Variants in SOX4 observed in about 807,000 individuals in gnomAD.
SOX4 encodes transcription factor SOX-4.
For synonymous variants in SOX4, 465 were observed against 348.4 expected, an observed-to-expected ratio of 1.33 and a Z score of -3.73; for missense variants, 662 against 694.9, an observed-to-expected ratio of 0.95 and a Z score of 0.53.
rs1358016510 is a variant in SOX4 at position 21,597,010 on chromosome 6, TC to T, written c.*1052del. ...AAAAAAGAAAAAAAAAAGATTTTTT[TC>T]TTCTCTTAATCGGAATCGTGATGGT... On this transcript the variant is annotated 3_prime_UTR_variant, in exon 1 of 1. Coordinates refer to ENST00000244745, the MANE Select transcript of SOX4 (RefSeq NM_003107.3). 1.2e-5 allele frequency: 2 copies of T among 166,884 alleles called. No homozygotes were observed. The highest frequency in any genetic ancestry group is 1.5e-5 in the Non-Finnish European group (1 of 68,094). The allele number at this position is 166,884 out of a possible 1,614,324, so 10.3% of individuals were successfully genotyped here. A position where few individuals can be genotyped will look rare whatever the true frequency, so the allele number is the denominator to read the frequency against.
In SOX4 at chr6:21,596,988, AAAG is replaced by A. The variant is rs1313684713; in HGVS notation, c.*1032_*1034del. ...AAAAAAAAAAGAAAAAAAGAAAAAA[AAAG>A]AAAAAAAAAAGATTTTTTTCTTCTC... On this transcript the variant is annotated 3_prime_UTR_variant, in exon 1 of 1. Transcript: ENST00000244745. The A allele has an allele frequency of 9.0e-5, 15 of 166,372 alleles. No homozygotes were observed. Among genetic ancestry groups the A allele is most frequent in the African/African-American group, 3.6e-4 (15 of 41,272 alleles). 10.3% of individuals were successfully genotyped at this position (166,372 alleles called of 1,614,324 possible).
rs1216785533 is a variant in SOX4 at position 21,598,509 on chromosome 6, T to C, written c.*2550T>C. ...TGTTTGGGGGAAAAAAAAGAAAAAA[T>C]CATGCCAGCTAATCATGTCAAGTTC... On this transcript the variant is annotated 3_prime_UTR_variant, in exon 1 of 1. Transcript: ENST00000244745. 6.0e-6 allele frequency: 1 copy of C among 166,964 alleles called. No individual in the cohort carries two copies. The highest frequency in any genetic ancestry group is 1.5e-5 in the Non-Finnish European group (1 of 68,104). The allele number at this position is 166,964 out of a possible 1,614,324, so 10.3% of individuals were successfully genotyped here.
In SOX4 at chr6:21,594,334, G is replaced by GGAACTAT. The variant is rs1224934357; in HGVS notation, c.-201_-200insGAACTAT. 3 of 518,716 alleles carry GGAACTAT rather than the reference G, an allele frequency of 5.8e-6. No individual in the cohort carries two copies. The African/African-American group carries it at 6.0e-5, about 10-fold the overall frequency. 32.1% of individuals were successfully genotyped at this position (518,716 alleles called of 1,614,324 possible). ...CTATAACTCCTCTGCGAGAGGCGGA[G>GGAACTAT]AACTCCTTCCCCAAATCTTTTGGGG... is the stretch of plus-strand genomic sequence containing the variant. On this transcript the variant is annotated 5_prime_UTR_variant, in exon 1 of 1. Transcript: ENST00000244745.
rs1433674912 is a variant in SOX4, at chr6:21,594,615, G to C, written c.81G>C (p.Glu27Asp). 6.2e-7 allele frequency: 1 copy of C among 1,608,126 alleles called. No homozygotes were observed. The highest frequency in any genetic ancestry group is 8.5e-7 in the Non-Finnish European group (1 of 1,178,248). Reference sequence around the variant, plus strand: ...GCTCGGACTCGGGCGCCGGCCTCGAGCTGGGAATCGCCTCCTCCCCCACGC... The same window carrying C: ...GCTCGGACTCGGGCGCCGGCCTCGACCTGGGAATCGCCTCCTCCCCCACGC... ...GESSDSGAGLELGIASSPTPG... is the reference protein window; with the variant it reads ...GESSDSGAGLDLGIASSPTPG... Residue 27 changes from glutamate to aspartate, a missense_variant, in exon 1 of 1, where the codon GAG (glutamate) becomes GAC (aspartate). By Grantham distance (45) the Glu-to-Asp change is conservative (BLOSUM62 2). Transcript: ENST00000244745.
rs1332648988 is a variant in SOX4 at position 21,596,987 on chromosome 6, A to G, written c.*1028A>G. ...AAAAAAAAAAAGAAAAAAAGAAAAAAAAAGAAAAAAAAAAGATTTTTTTCT... is the reference window on the plus strand; with the variant it reads ...AAAAAAAAAAAGAAAAAAAGAAAAAGAAAGAAAAAAAAAAGATTTTTTTCT... On this transcript the variant is annotated 3_prime_UTR_variant, in exon 1 of 1. Coordinates refer to ENST00000244745, the MANE Select transcript of SOX4 (RefSeq NM_003107.3). The G allele has an allele frequency of 6.0e-6, 1 of 166,292 alleles. No homozygotes were observed. Among genetic ancestry groups the G allele is most frequent in the Non-Finnish European group, 1.5e-5 (1 of 68,100 alleles). The allele number at this position is 166,292 out of a possible 1,614,324, so 10.3% of individuals were successfully genotyped here.
rs760814494 is a variant in SOX4 at position 21,596,746 on chromosome 6, G to T, written c.*787G>T. ...TTGGAAGCGCAGCAGCGGGAGCTAGGGGCGGGGGCGGAGGAGGACACGAAC... is the reference window on the plus strand; with the variant it reads ...TTGGAAGCGCAGCAGCGGGAGCTAGTGGCGGGGGCGGAGGAGGACACGAAC... On this transcript the variant is annotated 3_prime_UTR_variant, in exon 1 of 1. Coordinates refer to ENST00000244745, the MANE Select transcript of SOX4 (RefSeq NM_003107.3). The T allele has an allele frequency of 7.0e-4, 117 of 167,282 alleles. 1 individual carries two copies. Among genetic ancestry groups the T allele is most frequent in the Non-Finnish European group, 1.2e-3 (85 of 68,246 alleles). The allele number at this position is 167,282 out of a possible 1,614,324, so 10.4% of individuals were successfully genotyped here.
rs940088775 is a variant in SOX4, at chr6:21,597,669, G to T, written c.*1710G>T. 6.0e-6 allele frequency: 1 copy of T among 166,494 alleles called. No individual in the cohort carries two copies. Among genetic ancestry groups the T allele is most frequent in the Non-Finnish European group, 1.5e-5 (1 of 68,044 alleles). 10.3% of individuals were successfully genotyped at this position (166,494 alleles called of 1,614,324 possible). On this transcript the variant is annotated 3_prime_UTR_variant, in exon 1 of 1. Transcript: ENST00000244745. ...AAAAACAAAAAAAGACAAGAGAGAT[G>T]AAAACGTTTGATTATTTTCTCAGTG...
rs1209959610 is a variant in SOX4, at chr6:21,596,417, C to T, written c.*458C>T. On this transcript the variant is annotated 3_prime_UTR_variant, in exon 1 of 1. Coordinates refer to ENST00000244745, the MANE Select transcript of SOX4 (RefSeq NM_003107.3). ...TGAAGGAGTCTCCCCCTTCCTGCAT[C>T]ACCACCTTGGTTTTGTTTTATTTTG... The T allele has an allele frequency of 6.0e-6, 1 of 167,854 alleles. No individual in the cohort carries two copies. The highest frequency in any genetic ancestry group is 2.4e-5 in the African/African-American group (1 of 41,456). 10.4% of individuals were successfully genotyped at this position (167,854 alleles called of 1,614,324 possible). A position where few individuals can be genotyped will look rare whatever the true frequency, so the allele number is the denominator to read the frequency against.
rs1158492239 is a variant in SOX4 at position 21,597,741 on chromosome 6, G to A, written c.*1782G>A. The A allele has an allele frequency of 6.0e-6, 1 of 166,598 alleles. No individual in the cohort carries two copies. Among genetic ancestry groups the A allele is most frequent in the Admixed American group, 6.6e-5 (1 of 15,248 alleles). 10.3% of individuals were successfully genotyped at this position (166,598 alleles called of 1,614,324 possible). A position where few individuals can be genotyped will look rare whatever the true frequency, so the allele number is the denominator to read the frequency against. ...AAGGGGGTGTTAATCGGTGTAAATC[G>A]CTGTTTGGATTTCCTGATTTTATAA... On this transcript the variant is annotated 3_prime_UTR_variant, in exon 1 of 1. Transcript: ENST00000244745.
chr6:21,595,449 G>C lies in SOX4; in HGVS notation c.915G>C (p.Ser305=). The change falls in exon 1 of 1, where the codon TCG becomes TCC. Residue 305 remains serine (S), a synonymous_variant. Transcript: ENST00000244745. ...RVYLFGGLGT[S]SSPVGGVGAG... is the part of the protein sequence containing the mutation. ...ACCTGTTCGGCGGCCTGGGCACGTC[G>C]TCGTCGCCCGTGGGCGGCGTGGGCG... The C allele has an allele frequency of 6.7e-7, 1 of 1,497,572 alleles. No individual in the cohort carries two copies. Among genetic ancestry groups the C allele is most frequent in the Non-Finnish European group, 8.9e-7 (1 of 1,129,474 alleles). 92.8% of individuals were successfully genotyped at this position (1,497,572 alleles called of 1,614,324 possible).
rs1240540773 is a variant in SOX4 at position 21,595,294 on chromosome 6, G to A, written c.760G>A (p.Ala254Thr). 2.8e-6 allele frequency: 4 copies of A among 1,424,032 alleles called. No homozygotes were observed. The highest frequency in any genetic ancestry group is 2.8e-5 in the South Asian group (2 of 72,584). 88.2% of individuals were successfully genotyped at this position (1,424,032 alleles called of 1,614,324 possible). ...CGCCCTGCTGCCCCTGGGCGCCGCC[G>A]CCGACCACCACTCGCTGTACAAGGC... Reference protein sequence around the residue: ...AAALLPLGAAADHHSLYKART... With the variant: ...AAALLPLGAATDHHSLYKART... Residue 254 changes from alanine to threonine, a missense_variant, in exon 1 of 1, where the codon GCC (alanine) becomes ACC (threonine). Coordinates refer to ENST00000244745, the MANE Select transcript of SOX4 (RefSeq NM_003107.3).
rs1262744814 is a variant in SOX4, at chr6:21,595,717, T to A, written c.1183T>A (p.Ser395Thr). 15 of 1,609,144 alleles carry A rather than the reference T, an allele frequency of 9.3e-6. No individual in the cohort carries two copies. Among genetic ancestry groups the A allele is most frequent in the Admixed American group, 1.7e-5 (1 of 59,574 alleles). The change falls in exon 1 of 1, where the codon TCG becomes ACG. Residue 395 changes from serine (S) to threonine (T), a missense_variant. Coordinates refer to ENST00000244745, the MANE Select transcript of SOX4 (RefSeq NM_003107.3). The part of the protein sequence containing the change: ...HSSSSSSSGS[S>T]SSDDEFEDDL... ...CTCCTCTTCCTCCTCCTCGGGCTCC[T>A]CGTCCTCCGACGACGAGTTCGAAGA...
At position 21,595,968 on chromosome 6, in the gene SOX4, C is replaced by A; in HGVS notation, c.*9C>A. On this transcript the variant is annotated 3_prime_UTR_variant, in exon 1 of 1. Transcript: ENST00000244745. ...TGGTTTTCACCTACTGAAGGGCGCG[C>A]AGGCAGGGAGAAGGGCCGGGGGGGG... 1 of 1,497,232 alleles carries A rather than the reference C, an allele frequency of 6.7e-7. No homozygotes were observed. The highest frequency in any genetic ancestry group is 9.0e-7 in the Non-Finnish European group (1 of 1,117,020). The allele number at this position is 1,497,232 out of a possible 1,614,324, so 92.7% of individuals were successfully genotyped here.
rs1349281025 is a variant in SOX4 at position 21,596,831 on chromosome 6, G to GGCT, written c.*877_*879dup. ...TGCACGTTGGGGAGCTGGCGGCGGC[G>GGCT]GCTGCTGGGCCTCCGCCTTCTTTTC... On this transcript the variant is annotated 3_prime_UTR_variant, in exon 1 of 1. Coordinates refer to ENST00000244745, the MANE Select transcript of SOX4 (RefSeq NM_003107.3). 5 of 167,004 alleles carry GGCT rather than the reference G, an allele frequency of 3.0e-5. No homozygotes were observed. Among genetic ancestry groups the GGCT allele is most frequent in the African/African-American group, 1.2e-4 (5 of 41,348 alleles). The allele number at this position is 167,004 out of a possible 1,614,324, so 10.3% of individuals were successfully genotyped here. A position where few individuals can be genotyped will look rare whatever the true frequency, so the allele number is the denominator to read the frequency against.
rs1763150010 is a variant in SOX4 at position 21,596,147 on chromosome 6, G to T, written c.*188G>T. On this transcript the variant is annotated 3_prime_UTR_variant, in exon 1 of 1. Coordinates refer to ENST00000244745, the MANE Select transcript of SOX4 (RefSeq NM_003107.3). ...AGGAGCGCGGCGGCGTTTTGGACCC[G>T]CGCTCCCATCCCCCACCTTCCCGGG... The T allele has an allele frequency of 2.1e-6, 2 of 955,472 alleles. No homozygotes were observed. Among genetic ancestry groups the T allele is most frequent in the South Asian group, 2.5e-5 (1 of 40,408 alleles). The allele number at this position is 955,472 out of a possible 1,614,324, so 59.2% of individuals were successfully genotyped here.
rs1047402681 is a variant in SOX4, at chr6:21,595,220, C to T, written c.686C>T (p.Ala229Val). 2 of 1,244,560 alleles carry T rather than the reference C, an allele frequency of 1.6e-6. No individual in the cohort carries two copies. Among genetic ancestry groups the T allele is most frequent in the Non-Finnish European group, 2.0e-6 (2 of 999,132 alleles). 77.1% of individuals were successfully genotyped at this position (1,244,560 alleles called of 1,614,324 possible). A position where few individuals can be genotyped will look rare whatever the true frequency, so the allele number is the denominator to read the frequency against. Residue 229 changes from alanine to valine, a missense_variant, in exon 1 of 1, where the codon GCA (alanine) becomes GTA (valine). Physicochemically the swap from Ala to Val is moderately conservative, Grantham distance 64. Transcript: ENST00000244745. ...GCAGGCGGCGGCGGCGGCGGGAAAGCAGCGGCTGCCGCCGCCGCCTCCTTC... is the reference window on the plus strand; with the variant it reads ...GCAGGCGGCGGCGGCGGCGGGAAAGTAGCGGCTGCCGCCGCCGCCTCCTTC... Reference protein sequence around the residue: ...ILAGGGGGGKAAAAAAASFAA... With the variant: ...ILAGGGGGGKVAAAAAASFAA...
rs1763076123 is a variant in SOX4, at chr6:21,593,866, C to T, written c.-669C>T. On this transcript the variant is annotated 5_prime_UTR_variant, in exon 1 of 1. Coordinates refer to ENST00000244745, the MANE Select transcript of SOX4 (RefSeq NM_003107.3). ...TGCACTGGAGGAACTCCTGCCATTACCAGCTCCCTTCTTGCAGAAGGGAGG... is the reference window on the plus strand; with the variant it reads ...TGCACTGGAGGAACTCCTGCCATTATCAGCTCCCTTCTTGCAGAAGGGAGG... 1 of 152,144 alleles carries T rather than the reference C, an allele frequency of 6.6e-6. No homozygotes were observed. The highest frequency in any genetic ancestry group is 2.4e-5 in the African/African-American group (1 of 41,406). 9.4% of individuals were successfully genotyped at this position (152,144 alleles called of 1,614,324 possible).
rs1763080977 is a variant in SOX4, at chr6:21,594,059, G to A, written c.-476G>A. 6.6e-6 allele frequency: 1 copy of A among 152,082 alleles called. No individual in the cohort carries two copies. The highest frequency in any genetic ancestry group is 2.4e-5 in the African/African-American group (1 of 40,936). The allele number at this position is 152,082 out of a possible 1,614,324, so 9.4% of individuals were successfully genotyped here. A position where few individuals can be genotyped will look rare whatever the true frequency, so the allele number is the denominator to read the frequency against. Reference sequence around the variant, plus strand: ...TGTAGGAGAGGGACTAAGTGCTAGAGACTATGTCGCTTTCCTGAGCTACCG... The same window carrying A: ...TGTAGGAGAGGGACTAAGTGCTAGAAACTATGTCGCTTTCCTGAGCTACCG... On this transcript the variant is annotated 5_prime_UTR_variant, in exon 1 of 1. Coordinates refer to ENST00000244745, the MANE Select transcript of SOX4 (RefSeq NM_003107.3).
rs768256578 is a variant in SOX4 at position 21,596,719 on chromosome 6, C to T, written c.*760C>T. On this transcript the variant is annotated 3_prime_UTR_variant, in exon 1 of 1. Transcript: ENST00000244745. ...GCGCTAGGAAATGACCCGAGAACCC[C>T]GTTGGAAGCGCAGCAGCGGGAGCTA... 1 of 167,218 alleles carries T rather than the reference C, an allele frequency of 6.0e-6. No homozygotes were observed. The highest frequency in any genetic ancestry group is 2.4e-5 in the African/African-American group (1 of 41,408). The allele number at this position is 167,218 out of a possible 1,614,324, so 10.4% of individuals were successfully genotyped here. A position where few individuals can be genotyped will look rare whatever the true frequency, so the allele number is the denominator to read the frequency against.
Sources: gnomAD v4.1 joint callset for allele counts on GRCh38, gnomAD v4.1.1 for gene constraint, MANE v1.5 for transcripts, NCBI Gene and HGNC (gene_info 2026-07-23, HGNC 2026-07-21) for gene names.